Variants in SNRPN observed in about 807,000 individuals in gnomAD.
The protein encoded by SNRPN is small nuclear ribonucleoprotein-associated protein N.
SNRPN carries 7 observed loss-of-function variants against 25.2 expected under a neutral mutation model. That is an observed-to-expected ratio of 0.28 (90% CI 0.16 to 0.52). The LOEUF (loss-of-function observed/expected upper bound fraction) is 0.52, where lower values mean the gene tolerates loss of function less well. SNRPN is among the 20% of genes least tolerant of loss of function. SNRPN has a pLI of 0.96. For synonymous variants in SNRPN, 124 were observed against 110.6 expected, an observed-to-expected ratio of 1.12 and a Z score of -0.76; for missense variants, 196 against 322.5, an observed-to-expected ratio of 0.61 and a Z score of 3.00.
intron 2 of SNRPN, among the ~76,000 whole-genome samples, chr15:24,966,286 T>G (rs921145615): frequency 8.7e-6 from 1 of 115,462 alleles, no homozygotes; most frequent in African/African-American, 5.5e-5. Flanking sequence ...ACTTACTAGT[T>G]TTTTTTATAA....
chr15:24,874,112 T>C lies in SNRPN; in HGVS notation c.-578-12404T>C, dbSNP rs779840608. On this transcript the variant is annotated intron_variant, in intron 1 of 11. Transcript: ENST00000400097. ...GATCACGAGGTCAGGAAATCGAGATTATCCTGGCTAACACAGTGAAACCTC... is the reference window on the plus strand; with the variant it reads ...GATCACGAGGTCAGGAAATCGAGATCATCCTGGCTAACACAGTGAAACCTC... Among the ~76,000 whole-genome samples, 11 of 151,476 alleles carry C rather than the reference T, an allele frequency of 7.3e-5. No individual in the cohort carries two copies. In the East Asian group the frequency reaches 7.9e-4, roughly 11 times the overall value.
intron 1 of SNRPN, among the ~76,000 whole-genome samples, chr15:24,878,331 C>A (rs971983846): frequency 6.6e-6 from 1 of 152,198 alleles, no homozygotes; most frequent in African/African-American, 2.4e-5. Context: ...AATGTGCCAC[C>A]GTTCTGAGCG....
At chr15:24,863,353 G>A (rs980999122) in intron 1 of SNRPN, among the ~76,000 whole-genome samples, 9 of 150,812 alleles carry the variant, frequency 6.0e-5, no homozygotes, top group Admixed American at 3.9e-4. Context: ...AAGGACAGCA[G>A]GTAACTTTCA....
At chr15:24,943,412 C>A (rs118027522) in intron 3 of SNRPN, among the ~76,000 whole-genome samples, 86 of 152,198 alleles carry the variant, frequency 5.7e-4, no homozygotes, top group Non-Finnish European at 1.1e-3. Flanking sequence ...AGGGAACCCC[C>A]CATGAGCCAT....
At chr15:24,931,607 G>T (rs369876499) in intron 3 of SNRPN, among the ~76,000 whole-genome samples, 375 of 151,742 alleles carry the variant, frequency 2.5e-3, no homozygotes, top group Middle Eastern at 6.8e-3. Context: ...GTGGAGGGGC[G>T]GGGGGTGAAT....
At chr15:24,837,764 G>A (rs558062236) in intron 2 of SNRPN, among the ~76,000 whole-genome samples, 10 of 150,018 alleles carry the variant, frequency 6.7e-5, no homozygotes, top group Admixed American at 3.3e-4. Context: ...TCACTCTGTC[G>A]CCCAGGCCAG....
At chr15:24,823,897 T>C (rs1157392886) in intron 1 of SNRPN, 1 of 152,180 alleles carries the variant, frequency 6.6e-6, no homozygotes, top group East Asian at 1.9e-4. Context: ...TGTCTTTCTT[T>C]TAATCACATA....
At chr15:24,887,928 T>G (rs1401697392) in intron 2 of SNRPN, among the ~76,000 whole-genome samples, 6 of 152,082 alleles carry the variant, frequency 3.9e-5, no homozygotes, top group African/African-American at 1.4e-4. Flanking sequence ...AGGACTTATA[T>G]TAAGTCATAG....
chr15:24,857,112 T>G (rs2053475915), intron 1 of SNRPN, among the ~76,000 whole-genome samples: 2 of 152,224 alleles, frequency 1.3e-5, no homozygotes. Context: ...ATAAAGGCTG[T>G]GATTATTTGC....
chr15:24,904,157 T>C (rs1331021112), intron 2 of SNRPN, among the ~76,000 whole-genome samples: 3 of 152,170 alleles, frequency 2.0e-5, no homozygotes, highest in Non-Finnish European at 4.4e-5. Flanking sequence ...GAAACAATGC[T>C]ATGTTTTGCT....
chr15:24,879,345 G>C (rs2056354973), intron 1 of SNRPN, among the ~76,000 whole-genome samples: 1 of 151,908 alleles, frequency 6.6e-6, no homozygotes, highest in African/African-American at 2.4e-5. Context: ...GCTGAGGCAG[G>C]AGAATTGCTT....
intron 2 of SNRPN, among the ~76,000 whole-genome samples, chr15:24,832,700 C>G (rs1042744498): frequency 3.9e-5 from 6 of 151,980 alleles, no homozygotes; most frequent in African/African-American, 1.5e-4. Flanking sequence ...GGGTCCATGG[C>G]ATCTTGGACT....
At chr15:24,905,182 A>G (rs997372259) in intron 2 of SNRPN, among the ~76,000 whole-genome samples, 1 of 152,024 alleles carries the variant, frequency 6.6e-6, no homozygotes, top group Admixed American at 6.6e-5. Context: ...TGACTGGCTC[A>G]GAAATCCCAT....
At chr15:24,861,667 A>G (rs1361395474) in intron 1 of SNRPN, among the ~76,000 whole-genome samples, 2 of 152,212 alleles carry the variant, frequency 1.3e-5, no homozygotes, top group Non-Finnish European at 2.9e-5. Context: ...TCTCAGGTCA[A>G]TTATAACCTT....
rs574429992 is a variant in SNRPN, at chr15:24,978,696, T to C, written c.*252T>C. 2 of 534,624 alleles carry C rather than the reference T, an allele frequency of 3.7e-6. No homozygotes were observed. Among genetic ancestry groups the C allele is most frequent in the East Asian group, 6.1e-5 (2 of 32,578 alleles). The allele number at this position is 534,624 out of a possible 1,614,324, so 33.1% of individuals were successfully genotyped here. A position where few individuals can be genotyped will look rare whatever the true frequency, so the allele number is the denominator to read the frequency against. ...TTCAAATCATATTCTCTTTAATTCT[T>C]AGGATAAAAAGGTTTTCTGCTATCT... is the stretch of plus-strand genomic sequence containing the variant. On this transcript the variant is annotated 3_prime_UTR_variant, in exon 10 of 10. Transcript: ENST00000390687.
intron 7 of SNRPN, 94 bp downstream of exon 7, chr15:24,977,123 A>T: frequency 1.0e-6 from 1 of 967,462 alleles, no homozygotes; most frequent in African/African-American, 1.7e-5. Context: ...GTGTCATACA[A>T]TGTAAACAGC....
intron 2 of SNRPN, among the ~76,000 whole-genome samples, chr15:24,891,864 C>G (rs893523151): frequency 5.9e-5 from 9 of 152,196 alleles, no homozygotes; most frequent in Non-Finnish European, 1.0e-4. Flanking sequence ...AGCTATCATT[C>G]TAAAATCTTA....
At chr15:24,869,715 C>A (rs1413429807) in intron 1 of SNRPN, among the ~76,000 whole-genome samples, 2 of 152,128 alleles carry the variant, frequency 1.3e-5, no homozygotes, top group African/African-American at 4.8e-5. Flanking sequence ...ATTTGATTAC[C>A]TGGACAAGTT....
intron 2 of SNRPN, among the ~76,000 whole-genome samples, chr15:24,843,032 G>T (rs2143694251): frequency 6.6e-6 from 1 of 152,110 alleles, no homozygotes; most frequent in African/African-American, 2.4e-5. Flanking sequence ...TTTTGAAACT[G>T]ACCTGTGCTA....
Sources: allele counts gnomAD v4.1 joint callset (sites outside exome capture counted in the v4.1 genomes callset), GRCh38; gene constraint gnomAD v4.1.1; transcripts MANE v1.5; gene names NCBI Gene and HGNC (gene_info 2026-07-23, HGNC 2026-07-21).